Variants in ACAD11 observed in about 807,000 individuals in gnomAD.
ACAD11 encodes acyl-CoA dehydrogenase family member 11.
In ACAD11, 83 loss-of-function variants were observed where a neutral mutation model predicts 102.2. That is an observed-to-expected ratio of 0.81 (90% confidence interval 0.68 to 0.97). The LOEUF is 0.97. ACAD11 is among the 50% of genes least tolerant of loss of function. The pLI, the probability that ACAD11 is intolerant of heterozygous loss-of-function variation, is 0.00. For synonymous variants in ACAD11, 324 were observed against 319.8 expected (o/e 1.01, Z -0.14); for missense variants, 901 against 951.7 (o/e 0.95, Z 0.70).
In ACAD11 at chr3:132,560,582, T is replaced by C. The variant is rs796573813; in HGVS notation, c.2118+519A>G. Among the ~76,000 whole-genome samples the C allele has an allele frequency of 3.3e-5, 5 of 152,142 alleles. No homozygotes were observed. The South Asian group carries it at 1.0e-3, about 32-fold the overall frequency. Reference sequence around the variant, plus strand: ...TACAAGTTACCATGTCGGCTAATTTTTTTTTTAAGAGACAGGGTCTCACTA... The same window carrying C: ...TACAAGTTACCATGTCGGCTAATTTCTTTTTTAAGAGACAGGGTCTCACTA... On this transcript the variant is annotated intron_variant, in intron 18 of 19. Transcript: ENST00000264990.
intron 5 of ACAD11, among the ~76,000 whole-genome samples, chr3:132,638,435 T>G (rs1940356009): frequency 6.6e-6 from 1 of 152,188 alleles, no homozygotes; most frequent in African/African-American, 2.4e-5. Flanking sequence ...ATGCTTTAAG[T>G]TCACACTGCT....
At chr3:132,629,947 C>A (rs187088437) in intron 7 of ACAD11, among the ~76,000 whole-genome samples, 1 of 151,894 alleles carries the variant, frequency 6.6e-6, no homozygotes, top group Non-Finnish European at 1.5e-5. Context: ...ACAAATATGA[C>A]GATGAAAATA....
chr3:132,571,322 T>C (rs1033475019), intron 17 of ACAD11, among the ~76,000 whole-genome samples: 4 of 151,972 alleles, frequency 2.6e-5, no homozygotes, highest in African/African-American at 7.2e-5. Context: ...AGTCTGTTCA[T>C]GTCTTTGGCC....
intron 1 of ACAD11, among the ~76,000 whole-genome samples, chr3:132,658,813 GCCCTTTCA>G (rs1937959443): frequency 6.6e-6 from 1 of 151,984 alleles, no homozygotes; most frequent in African/African-American, 2.4e-5. Context: ...CAATTTTTAC[GCCCTTTCA>G]CCTATATTAC....
chr3:132,564,263 A>T (rs1365940121), intron 17 of ACAD11, among the ~76,000 whole-genome samples: 1 of 152,108 alleles, frequency 6.6e-6, no homozygotes, highest in African/African-American at 2.4e-5. Flanking sequence ...TTGGATTAGG[A>T]TGATTCTGGC....
At chr3:132,568,862 C>T (rs1937297176) in intron 17 of ACAD11, among the ~76,000 whole-genome samples, 1 of 132,704 alleles carries the variant, frequency 7.5e-6, no homozygotes, top group African/African-American at 2.9e-5. Context: ...AAAGTTAACT[C>T]AAAATGTAAG....
Position 132,650,536 on chromosome 3 carries a change from T to G in ACAD11, c.150-5640A>C, listed in dbSNP as rs184463570. On this transcript the variant is annotated intron_variant, in intron 1 of 19. Transcript: ENST00000264990. Reference sequence around the variant, plus strand: ...CATACTTGGGCTGCTATTTCATATATTATTAGACATTTTGAATATCTGAAT... The same window carrying G: ...CATACTTGGGCTGCTATTTCATATAGTATTAGACATTTTGAATATCTGAAT... 2.1e-4 allele frequency among the ~76,000 whole-genome samples: 32 copies of G among 152,360 alleles called. 1 individual carries two copies. The highest frequency in any genetic ancestry group is 6.5e-4 in the African/African-American group (27 of 41,582).
chr3:132,620,476 T>TA (rs34613732), intron 9 of ACAD11: 3 of 152,048 alleles, frequency 2.0e-5, no homozygotes, highest in Non-Finnish European at 4.4e-5. Context: ...GAGTTCAAAA[T>TA]AAAAAACTAT....
intron 5 of ACAD11, among the ~76,000 whole-genome samples, chr3:132,634,847 T>C (rs13099561): frequency 2.0e-4 from 28 of 136,742 alleles, no homozygotes; most frequent in Admixed American, 1.4e-3. Flanking sequence ...TAGGTGGGAA[T>C]TGAACAATGA....
intron 6 of ACAD11, 26 bp from the exon 7 acceptor site, chr3:132,630,584 C>T (rs1387426237): frequency 1.9e-6 from 3 of 1,576,688 alleles, no homozygotes; most frequent in East Asian, 2.3e-5. Flanking sequence ...GTAATATAAA[C>T]TTTAATTAAA....
At chr3:132,651,152 C>T (rs1469056543) in intron 1 of ACAD11, among the ~76,000 whole-genome samples, 4 of 152,184 alleles carry the variant, frequency 2.6e-5, no homozygotes, top group Non-Finnish European at 4.4e-5. Flanking sequence ...CTGTATCCTT[C>T]CTGAAACTCA....
intron 9 of ACAD11, among the ~76,000 whole-genome samples, chr3:132,623,447 G>A (rs938898182): frequency 3.1e-4 from 47 of 151,748 alleles, no homozygotes; most frequent in Admixed American, 6.6e-5. Context: ...ATGTTACACA[G>A]AGATTTGTAT....
chr3:132,630,038 T>C (rs1035507385), intron 7 of ACAD11, among the ~76,000 whole-genome samples: 19 of 151,930 alleles, frequency 1.3e-4, no homozygotes, highest in Admixed American at 1.2e-3. Context: ...CTCTGGGAAG[T>C]ATAAAGATAA....
rs1938704320 is a variant in ACAD11, at chr3:132,603,475, C to T, written c.1523-148G>A. 7 of 640,078 alleles carry T rather than the reference C, an allele frequency of 1.1e-5. No homozygotes were observed. The East Asian group carries it at 1.9e-4, about 18-fold the overall frequency. 39.6% of individuals were successfully genotyped at this position (640,078 alleles called of 1,614,324 possible). ...TCCACCCTGCTTTTCCCATAACCTA[C>T]ACACAGTATTCAATAAACGTGCACT... On this transcript the variant is annotated intron_variant, in intron 12 of 19. Transcript: ENST00000264990.
Position 132,626,769 on chromosome 3 carries a change from A to G in ACAD11, c.1119T>C (p.Phe373=), listed in dbSNP as rs1939830371. The part of the protein sequence containing the change: ...LPQIDTTGQL[F]VQTRKGQEVL... Reference sequence around the variant, plus strand: ...CTTCCTGACCTTTCCGAGTCTGTACAAACAACTGTCCAGTAGTATCAATCT... The same window carrying G: ...CTTCCTGACCTTTCCGAGTCTGTACGAACAACTGTCCAGTAGTATCAATCT... The change falls in exon 9 of 20, where the codon TTT becomes TTC. Residue 373 remains phenylalanine (F), a synonymous_variant. Coordinates refer to ENST00000264990, the MANE Select transcript of ACAD11 (RefSeq NM_032169.5). The G allele has an allele frequency of 1.2e-6, 2 of 1,613,774 alleles. No individual in the cohort carries two copies. The highest frequency in any genetic ancestry group is 2.7e-5 in the African/African-American group (2 of 74,910).
chr3:132,644,197 A>T (rs1940631206), intron 2 of ACAD11, among the ~76,000 whole-genome samples: 1 of 152,152 alleles, frequency 6.6e-6, no homozygotes, highest in Non-Finnish European at 1.5e-5. Flanking sequence ...TATACCCTAA[A>T]TACGCACAGT....
rs774782762 is a variant in ACAD11, at chr3:132,659,595, A to T, written c.149+8T>A. On this transcript the variant is annotated splice_region_variant and intron_variant, in intron 1 of 19. Transcript: ENST00000264990. ...TTTTCCGCTGGAGGCAAAGGCTGAC[A>T]TCCATACCTGTACTGGGCAATGGTC... is the stretch of plus-strand genomic sequence containing the variant. 35 of 1,610,266 alleles carry T rather than the reference A, an allele frequency of 2.2e-5. No homozygotes were observed. The South Asian group carries it at 2.5e-4, about 12-fold the overall frequency.
chr3:132,634,926 G>C (rs945075181), intron 5 of ACAD11, among the ~76,000 whole-genome samples: 1 of 149,970 alleles, frequency 6.7e-6, no homozygotes, highest in Non-Finnish European at 1.5e-5. Flanking sequence ...GGTGGGGAGG[G>C]ATAGCATTAG....
chr3:132,638,798 T>G (rs1384494342), intron 5 of ACAD11, among the ~76,000 whole-genome samples: 1 of 152,178 alleles, frequency 6.6e-6, no homozygotes, highest in Non-Finnish European at 1.5e-5. Context: ...TTAACAAGGT[T>G]AGAATTCAGA....
Sources: allele counts gnomAD v4.1 joint callset (sites outside exome capture counted in the v4.1 genomes callset), GRCh38; gene constraint gnomAD v4.1.1; transcripts MANE v1.5; gene names NCBI Gene and HGNC (gene_info 2026-07-23, HGNC 2026-07-21).